The following C7orf78 variants were observed in gnomAD, a reference collection of about 807,000 sequenced individuals.
C7orf78 encodes the protein putative uncharacterized protein C7orf78.
chr7:12,526,768 A>G, the C7orf78 span, among the ~76,000 whole-genome samples: 7 of 152,156 alleles, frequency 4.6e-5, no homozygotes, highest in Admixed American at 3.3e-4. Flanking sequence ...GTGTAATTGA[A>G]ATGGAACATG....
chr7:12,510,547 C>T, the C7orf78 span, among the ~76,000 whole-genome samples: 4 of 152,136 alleles, frequency 2.6e-5, no homozygotes, highest in Non-Finnish European at 2.9e-5. Context: ...TACATAGTTT[C>T]CTTTTTTCTA....
chr7:12,502,318 T>C, the C7orf78 span, among the ~76,000 whole-genome samples: 1 of 136,604 alleles, frequency 7.3e-6, no homozygotes, highest in African/African-American at 2.7e-5. Context: ...GGAGAAAATT[T>C]TTGCAACCTA....
At chr7:12,539,333 A>G in the C7orf78 span, among the ~76,000 whole-genome samples, 1 of 152,074 alleles carries the variant, frequency 6.6e-6, no homozygotes, top group Non-Finnish European at 1.5e-5. Context: ...GCGTGGTGGC[A>G]CGCACCTGTA....
chr7:12,506,582 G>A, the C7orf78 span, among the ~76,000 whole-genome samples: 1 of 152,112 alleles, frequency 6.6e-6, no homozygotes. Flanking sequence ...ATACGTGGGA[G>A]TTCAACAATG....
At chr7:12,506,562 G>A in the C7orf78 span, among the ~76,000 whole-genome samples, 2 of 152,082 alleles carry the variant, frequency 1.3e-5, no homozygotes, top group South Asian at 2.1e-4. Context: ...GTCACTGCAT[G>A]TTCTCACTCA....
At chr7:12,528,438 C>T in the C7orf78 span, among the ~76,000 whole-genome samples, 1 of 151,288 alleles carries the variant, frequency 6.6e-6, no homozygotes, top group Non-Finnish European at 1.5e-5. Context: ...TGGAACATGT[C>T]AGCTTTCCTA....
chr7:12,509,859 T>A, the C7orf78 span, among the ~76,000 whole-genome samples: 1 of 152,010 alleles, frequency 6.6e-6, no homozygotes, highest in Non-Finnish European at 1.5e-5. Context: ...CCAAGGCAGG[T>A]GGATCACCTG....
At chr7:12,522,106 T>C in the C7orf78 span, among the ~76,000 whole-genome samples, 2 of 152,076 alleles carry the variant, frequency 1.3e-5, no homozygotes, top group African/African-American at 2.4e-5. Context: ...ATATTGAAAA[T>C]TAACATTTAG....
At chr7:12,486,288 T>A in the C7orf78 span, among the ~76,000 whole-genome samples, 3 of 152,156 alleles carry the variant, frequency 2.0e-5, no homozygotes, top group East Asian at 1.9e-4. Flanking sequence ...AGAAGTTATA[T>A]AGTCCATGTA....
At chr7:12,533,598 G>C in the C7orf78 span, among the ~76,000 whole-genome samples, 1 of 144,158 alleles carries the variant, frequency 6.9e-6, no homozygotes, top group Admixed American at 7.1e-5. Flanking sequence ...TTCACTGCAA[G>C]CTCCACCTCC....
At chr7:12,483,685 T>C in the C7orf78 span, 5 of 136,966 alleles carry the variant, frequency 3.7e-5, no homozygotes, top group East Asian at 4.5e-4. Context: ...CTGAACAACA[T>C]GATGAAACCT....
chr7:12,540,430 A>C, the C7orf78 span, among the ~76,000 whole-genome samples: 1 of 152,326 alleles, frequency 6.6e-6, no homozygotes, highest in African/African-American at 2.4e-5. Context: ...CAAACTCAGT[A>C]ATGTGCAATC....
chr7:12,523,421 C>G, the C7orf78 span: 1 of 397,782 alleles, frequency 2.5e-6, no homozygotes, highest in African/African-American at 2.1e-5. Flanking sequence ...ACATGACTTT[C>G]GACAGGTAAA....
chr7:12,500,291 G>A, the C7orf78 span, among the ~76,000 whole-genome samples: 33 of 151,850 alleles, frequency 2.2e-4, no homozygotes, highest in African/African-American at 7.7e-4. Context: ...GAATCCAGGA[G>A]CTTGTTTTTT....
the C7orf78 span, among the ~76,000 whole-genome samples, chr7:12,535,969 C>A: frequency 1.5e-3 from 232 of 152,348 alleles, 2 homozygotes; most frequent in African/African-American, 5.3e-3. Flanking sequence ...GCCTCCCACC[C>A]AGCTGCCTTC....
chr7:12,538,721 CTG>C, the C7orf78 span, among the ~76,000 whole-genome samples: 3 of 152,154 alleles, frequency 2.0e-5, no homozygotes, highest in Non-Finnish European at 4.4e-5. Context: ...CATTAATTCA[CTG>C]TGTTTACAGA....
chr7:12,498,643 G>C, the C7orf78 span, among the ~76,000 whole-genome samples: 1 of 152,118 alleles, frequency 6.6e-6, no homozygotes, highest in Admixed American at 6.6e-5. Context: ...GAATGGAACC[G>C]AGTTGGAAAA....
At chr7:12,498,201 C>T in the C7orf78 span, among the ~76,000 whole-genome samples, 5 of 152,090 alleles carry the variant, frequency 3.3e-5, no homozygotes, top group Admixed American at 6.5e-5. Context: ...AGGAACGCAG[C>T]TCCTCACCAG....
At chr7:12,515,347 A>G in the C7orf78 span, among the ~76,000 whole-genome samples, 3 of 152,300 alleles carry the variant, frequency 2.0e-5, no homozygotes, top group African/African-American at 7.2e-5. Flanking sequence ...TGCCATTGCC[A>G]TGTAAAAAGT....
Sources: gnomAD v4.1 joint callset for allele counts (sites outside exome capture counted in the v4.1 genomes callset) on GRCh38, gnomAD v4.1.1 for gene constraint, MANE v1.5 for transcripts, NCBI Gene and HGNC (gene_info 2026-07-23, HGNC 2026-07-21) for gene names.